SVOPL: variants seen among roughly 807,000 people sequenced by gnomAD.
SVOPL encodes the protein SVOP like.
SVOPL carries 60 observed loss-of-function variants against 61.0 expected under a neutral mutation model. The ratio of observed to expected loss-of-function variants is 0.98; its 90% CI spans 0.80 to 1.22. SVOPL has a LOEUF of 1.22. Among genes scored for constraint, SVOPL ranks in the 50% most tolerant of loss-of-function variants. The probability of loss-of-function intolerance (pLI) is 0.00; values close to 1 mark genes in which losing one functional copy is unlikely to be tolerated. For missense variants in SVOPL, 662 were observed against 643.9 expected, an observed-to-expected ratio of 1.03 and a Z score of -0.30; for synonymous variants, 279 against 250.0, an observed-to-expected ratio of 1.12 and a Z score of -1.09.
intron 6 of SVOPL, among the ~76,000 whole-genome samples, chr7:138,659,117 A>G (rs1801884710): frequency 1.3e-5 from 2 of 152,172 alleles, no homozygotes; most frequent in African/African-American, 4.8e-5. Flanking sequence ...TGCATGATAA[A>G]ACCTTGGTTG....
At chr7:138,642,555 G>A (rs893873015) in intron 9 of SVOPL, among the ~76,000 whole-genome samples, 5 of 151,786 alleles carry the variant, frequency 3.3e-5, no homozygotes, top group Non-Finnish European at 5.9e-5. Context: ...GGCTGGGCAC[G>A]GTGGCTCACA....
intron 13 of SVOPL, among the ~76,000 whole-genome samples, chr7:138,622,100 A>G (rs1432351862): frequency 2.5e-5 from 3 of 118,314 alleles, no homozygotes; most frequent in African/African-American, 8.9e-5. Flanking sequence ...GTATCTATCT[A>G]TCTATCTATC....
intron 9 of SVOPL, 27 bp downstream of exon 9, chr7:138,644,687 TAGG>T (rs1229972745): frequency 3.1e-6 from 5 of 1,610,958 alleles, no homozygotes; most frequent in South Asian, 1.1e-5. Context: ...CCACTGGTGA[TAGG>T]AGAAGACCTC....
At chr7:138,623,557 G>A (rs1260052546) in intron 13 of SVOPL, among the ~76,000 whole-genome samples, 8 of 151,932 alleles carry the variant, frequency 5.3e-5, no homozygotes, top group South Asian at 2.1e-4. Context: ...CCGAGATCGC[G>A]CCACTGCACT....
intron 13 of SVOPL, among the ~76,000 whole-genome samples, chr7:138,624,871 T>A (rs1799825605): frequency 6.6e-6 from 1 of 152,006 alleles, no homozygotes; most frequent in Non-Finnish European, 1.5e-5. Context: ...CCCTGGCTAA[T>A]TTTTAATTTT....
intron 1 of SVOPL, among the ~76,000 whole-genome samples, chr7:138,692,325 A>G (rs1364413645): frequency 6.6e-6 from 1 of 152,186 alleles, no homozygotes; most frequent in African/African-American, 2.4e-5. Flanking sequence ...ATAGTGAGAA[A>G]GGAGTAGTGA....
chr7:138,689,402 C>T (rs1802890464), intron 1 of SVOPL: 1 of 1,369,470 alleles, frequency 7.3e-7, no homozygotes, highest in African/African-American at 1.4e-5. Context: ...CATGCATGAG[C>T]TCTCCCTGCC....
chr7:138,694,906 T>C (rs1318718101), intron 1 of SVOPL, among the ~76,000 whole-genome samples: 1 of 151,832 alleles, frequency 6.6e-6, no homozygotes, highest in Non-Finnish European at 1.5e-5. Flanking sequence ...ACCCAGCTAA[T>C]TTTTGTATGT....
At chr7:138,665,334 G>A (rs1802221666) in intron 4 of SVOPL, among the ~76,000 whole-genome samples, 1 of 151,196 alleles carries the variant, frequency 6.6e-6, no homozygotes, top group Non-Finnish European at 1.5e-5. Flanking sequence ...TGACAATGTT[G>A]CTCATTAGCC....
chr7:138,622,222 GTATCTATCTATGTATCTATC>G (rs1799681366), intron 13 of SVOPL, among the ~76,000 whole-genome samples: 1 of 67,318 alleles, frequency 1.5e-5, no homozygotes. Context: ...ATCTATCTAT[GTATCTATCTATGTATCTATC>G]TATCTATCTA....
intron 9 of SVOPL, among the ~76,000 whole-genome samples, chr7:138,642,276 C>T (rs911142294): frequency 1.1e-5 from 1 of 94,386 alleles, no homozygotes; most frequent in Admixed American, 1.2e-4. Flanking sequence ...GAAAATAAAA[C>T]GGAAATTAGC....
At chr7:138,679,379 C>T (rs143722952) in intron 1 of SVOPL, among the ~76,000 whole-genome samples, 2,156 of 152,196 alleles carry the variant, frequency 0.014, 58 homozygotes, top group African/African-American at 0.05. Flanking sequence ...AAGCGATTCT[C>T]GTGCCTCAGC....
intron 14 of SVOPL, among the ~76,000 whole-genome samples, chr7:138,614,458 C>T (rs1444889570): frequency 4.0e-5 from 6 of 149,490 alleles, no homozygotes; most frequent in Non-Finnish European, 8.9e-5. Context: ...TGCAATGGCG[C>T]GATCTCAGCT....
chr7:138,681,403 A>G (rs1267708076), intron 1 of SVOPL, among the ~76,000 whole-genome samples: 1 of 151,524 alleles, frequency 6.6e-6, no homozygotes, highest in Non-Finnish European at 1.5e-5. Flanking sequence ...AAACCCAGGC[A>G]TCTTAGGTAA....
At chr7:138,660,996 C>G in intron 5 of SVOPL, 1 of 982,622 alleles carries the variant, frequency 1.0e-6, no homozygotes, top group Non-Finnish European at 1.2e-6. Flanking sequence ...AATGTTTTTT[C>G]AAAGTTTCTT....
chr7:138,670,993 A>G (rs1231451914), intron 4 of SVOPL, among the ~76,000 whole-genome samples: 2 of 152,246 alleles, frequency 1.3e-5, no homozygotes, highest in Non-Finnish European at 2.9e-5. Context: ...TCAGAAATAT[A>G]TAATGACTAT....
chr7:138,602,357 C>A lies in SVOPL; in HGVS notation c.1354-5827G>T, dbSNP rs914482535. Among the ~76,000 whole-genome samples, 115 of 151,246 alleles carry A rather than the reference C, an allele frequency of 7.6e-4. 1 individual carries two copies. Among genetic ancestry groups the A allele is most frequent in the Admixed American group, 3.0e-3 (45 of 15,138 alleles). On this transcript the variant is annotated intron_variant, in intron 14 of 15. Transcript: ENST00000674285. The stretch of plus-strand genomic sequence containing the variant: ...GCTATCTAATTATGGCACATACATG[C>A]CACAGAAATCTATGCACCTACTTAA...
rs1673213 is a variant in SVOPL at position 138,599,167 on chromosome 7, A to C, written c.1354-2637T>G. Among the ~76,000 whole-genome samples the C allele has an allele frequency of 3.2e-4, 39 of 121,832 alleles. 2 individuals carry two copies. The highest frequency in any genetic ancestry group is 1.3e-3 in the South Asian group (5 of 3,892). The allele number at this position is 121,832 out of a possible 152,430, so 79.9% of individuals were successfully genotyped here. On this transcript the variant is annotated intron_variant, in intron 14 of 15. Coordinates refer to ENST00000674285, the MANE Select transcript of SVOPL (RefSeq NM_001139456.2). Reference sequence around the variant, plus strand: ...AAAAAAAAAAAAAAAACCAAAAAAAAAAGAAATACAGAAATGTCAAAAGAC... The same window carrying C: ...AAAAAAAAAAAAAAAACCAAAAAAACAAGAAATACAGAAATGTCAAAAGAC...
chr7:138,700,000 T>C (rs1803154644), intron 1 of SVOPL, among the ~76,000 whole-genome samples: 1 of 152,190 alleles, frequency 6.6e-6, no homozygotes, highest in African/African-American at 2.4e-5. Flanking sequence ...AACAACAGGA[T>C]TCCTTTGGTG....
Sources: gnomAD v4.1 joint callset for allele counts (sites outside exome capture counted in the v4.1 genomes callset) on GRCh38, gnomAD v4.1.1 for gene constraint, MANE v1.5 for transcripts, NCBI Gene and HGNC (gene_info 2026-07-23, HGNC 2026-07-21) for gene names.